Variants in NAV1 observed in about 807,000 individuals in gnomAD.
NAV1 encodes neuron navigator 1, also known as pore membrane and/or filament interacting like protein 3.
Under a neutral mutation model 175.2 loss-of-function variants are expected in NAV1, and 18 were observed. That is an observed-to-expected ratio of 0.10 (90% CI 0.07 to 0.15). The LOEUF (loss-of-function observed/expected upper bound fraction) is 0.15, where lower values mean the gene tolerates loss of function less well. Ranked by LOEUF, NAV1 falls within the 10% of genes least tolerant of loss-of-function variation. The pLI, the probability that NAV1 is intolerant of heterozygous loss-of-function variation, is 1.00. For missense variants in NAV1, 1,731 were observed against 2,436.6 expected, an observed-to-expected ratio of 0.71 and a Z score of 6.10; for synonymous variants, 897 against 978.7, an observed-to-expected ratio of 0.92 and a Z score of 1.56.
intron 2 of NAV1, among the ~76,000 whole-genome samples, chr1:201,614,962 C>T (rs1006742604): frequency 2.0e-5 from 3 of 152,160 alleles, no homozygotes; most frequent in Non-Finnish European, 4.4e-5. Flanking sequence ...TCAGCAAATG[C>T]AACTAAAAAG....
intron 1 of NAV1, among the ~76,000 whole-genome samples, chr1:201,582,195 G>A (rs1356239899): frequency 6.6e-6 from 1 of 152,252 alleles, no homozygotes; most frequent in East Asian, 1.9e-4. Flanking sequence ...AGAAGGGCAA[G>A]GAAAGGCCAG....
chr1:201,715,585 G>C (rs566107057), intron 2 of NAV1, among the ~76,000 whole-genome samples: 3 of 152,314 alleles, frequency 2.0e-5, no homozygotes, highest in Admixed American at 1.3e-4. Flanking sequence ...ACCTGCCAGA[G>C]TCACGCTGGC....
exon 1 of NAV1, chr1:201,622,929 C>T (rs1668218453): frequency 5.1e-6 from 5 of 986,344 alleles, no homozygotes; most frequent in Non-Finnish European, 4.8e-6. Context: ...GCCCTCACTA[C>T]GCCTCCGCCA....
At chr1:201,550,653 A>G (rs1235365061) in intron 1 of NAV1, among the ~76,000 whole-genome samples, 2 of 152,226 alleles carry the variant, frequency 1.3e-5, no homozygotes, top group Admixed American at 1.3e-4. Flanking sequence ...GTATTGAAGA[A>G]GTTGACACAA....
exon 30 of NAV1, chr1:201,826,509 T>G (rs1679682641): frequency 6.6e-6 from 1 of 152,248 alleles, no homozygotes; most frequent in African/African-American, 2.4e-5. Context: ...ACCGTTTATG[T>G]GACAGAGTCC....
intron 2 of NAV1, among the ~76,000 whole-genome samples, chr1:201,642,167 C>CCGTCCGTCCTT (rs1668780257): frequency 2.6e-5 from 3 of 116,496 alleles, no homozygotes; most frequent in African/African-American, 1.1e-4. Flanking sequence ...TCTCTCCCCT[C>CCGTCCGTCCTT]CCTTCCTTCC....
intron 1 of NAV1, among the ~76,000 whole-genome samples, chr1:201,565,674 G>A (rs565381851): frequency 1.8e-4 from 27 of 152,198 alleles, no homozygotes; most frequent in Non-Finnish European, 2.6e-4. Flanking sequence ...TTTGCAAAGC[G>A]TTTTGCAATC....
Position 201,813,165 on chromosome 1 carries a change from C to T in NAV1, c.5247C>T (p.Pro1749=), listed in dbSNP as rs1318258303. 6 of 1,614,076 alleles carry T rather than the reference C, an allele frequency of 3.7e-6. No individual in the cohort carries two copies. The highest frequency in any genetic ancestry group is 1.7e-4 in the Middle Eastern group (1 of 6,058). Reference sequence around the variant, plus strand: ...GCCCTTGCTTCTTTCTGTCGTGTCCCATTGGCATTGAGGACTTCCGGACCT... The same window carrying T: ...GCCCTTGCTTCTTTCTGTCGTGTCCTATTGGCATTGAGGACTTCCGGACCT... Residue 1749 remains proline, a synonymous_variant, in exon 28 of 30, where the codon CCC becomes CCT. Transcript: ENST00000367296. This position sits in a 1 kb window ranked among gnomAD's most constrained non-coding sequence, Gnocchi z 4.2.
intron 2 of NAV1, among the ~76,000 whole-genome samples, chr1:201,610,287 G>A (rs377135484): frequency 3.9e-5 from 6 of 152,216 alleles, no homozygotes; most frequent in East Asian, 1.9e-4. Flanking sequence ...AGTCATTCAC[G>A]TGGACCAAAT....
intron 1 of NAV1, 25 bp downstream of exon 3, chr1:201,623,631 G>A: frequency 1.0e-6 from 1 of 986,508 alleles, no homozygotes; most frequent in African/African-American, 1.7e-5. Context: ...AGGCAGGGAG[G>A]GAAGGGGGAA....
chr1:201,797,715 T>TA (rs1456745463), intron 15 of NAV1: 1 of 152,256 alleles, frequency 6.6e-6, no homozygotes, highest in Non-Finnish European at 1.5e-5. Flanking sequence ...ACCTTGTACT[T>TA]ATTTTGTTAA....
chr1:201,699,168 C>T (rs982566863), intron 1 of NAV1, among the ~76,000 whole-genome samples: 1 of 152,220 alleles, frequency 6.6e-6, no homozygotes, highest in Non-Finnish European at 1.5e-5. Flanking sequence ...TTGCAGATGA[C>T]ATGATTGTAT....
Position 201,782,289 on chromosome 1 carries a change from C to T in NAV1, c.1777C>T (p.Pro593Ser). 6.2e-7 allele frequency: 1 copy of T among 1,614,234 alleles called. No individual in the cohort carries two copies. The highest frequency in any genetic ancestry group is 8.5e-7 in the Non-Finnish European group (1 of 1,180,048). The change falls in exon 6 of 30, where the codon CCC (proline) becomes TCC (serine). Residue 593 changes from proline (P) to serine (S), a missense_variant. This residue lies in a region of NAV1 where 634 missense variants were observed against 766.8 expected (regional missense o/e 0.83). Coordinates refer to ENST00000367296, the Ensembl canonical transcript of NAV1. The surrounding 1 kb of genome is among the most constrained non-coding windows in gnomAD (Gnocchi z 5.4). ...CCGCCTGAGTGATGCTAAGAAGCCCCCCTCGGGCATTGCTCGCCCCTCCAC... is the reference window on the plus strand; with the variant it reads ...CCGCCTGAGTGATGCTAAGAAGCCCTCCTCGGGCATTGCTCGCCCCTCCAC...
intron 5 of NAV1, 29 bp downstream of exon 9, chr1:201,781,338 G>C (rs1278520834): frequency 6.4e-7 from 1 of 1,561,572 alleles, no homozygotes. Flanking sequence ...AAGGTACAAG[G>C]GCAAAGACCT....
chr1:201,693,970 T>TC, intron 1 of NAV1, among the ~76,000 whole-genome samples: 1 of 152,250 alleles, frequency 6.6e-6, no homozygotes, highest in Non-Finnish European at 1.5e-5. Context: ...ATCTCAGCCA[T>TC]CCCCCGGCCT....
rs1673357968 is a variant in NAV1, at chr1:201,740,593, C to T, written c.1226+21838C>T. ...TGGGGTGAAAGGAGGTGGTGGGAGG[C>T]GGAAGGATGAAACGGGGGAGGGAGG... On this transcript the variant is annotated intron_variant, in intron 3 of 29. Transcript: ENST00000367296. This position sits in a 1 kb window ranked among gnomAD's most constrained non-coding sequence, Gnocchi z 4.7. 1.3e-5 allele frequency among the ~76,000 whole-genome samples: 2 copies of T among 151,736 alleles called. No homozygotes were observed. The highest frequency in any genetic ancestry group is 1.3e-4 in the Admixed American group (2 of 15,240).
At chr1:201,786,934 G>C (rs915618724) in intron 9 of NAV1, among the ~76,000 whole-genome samples, 1 of 152,222 alleles carries the variant, frequency 6.6e-6, no homozygotes, top group Non-Finnish European at 1.5e-5. Context: ...GCCAGCTAAT[G>C]AGAGGGCAAT....
intron 1 of NAV1, among the ~76,000 whole-genome samples, chr1:201,555,034 C>T (rs1401018670): frequency 6.6e-6 from 1 of 152,190 alleles, no homozygotes; most frequent in Non-Finnish European, 1.5e-5. Flanking sequence ...ACATCCTCTT[C>T]CCTCTGTGTA....
intron 1 of NAV1, among the ~76,000 whole-genome samples, chr1:201,585,944 G>A (rs888180586): frequency 6.6e-5 from 10 of 152,160 alleles, no homozygotes; most frequent in Non-Finnish European, 1.5e-4. Context: ...ATTGCCATAT[G>A]ATTCAGCAAT....
Sources: allele counts gnomAD v4.1 joint callset (sites outside exome capture counted in the v4.1 genomes callset), GRCh38; gene constraint gnomAD v4.1.1; regional missense constraint gnomAD v4.1.1; non-coding constraint Gnocchi (gnomAD v3.1); transcripts MANE v1.5; gene names NCBI Gene and HGNC (gene_info 2026-07-23, HGNC 2026-07-21).